LRRC4C: variants seen among roughly 807,000 people sequenced by gnomAD.
LRRC4C encodes leucine rich repeat containing 4C, also known as leucine-rich repeat-containing protein 4C.
In LRRC4C, 5 loss-of-function variants were observed where a neutral mutation model predicts 33.6. The observed-to-expected ratio is 0.15, with a 90% CI of 0.08 to 0.31. The LOEUF is 0.31. Among genes scored for constraint, LRRC4C ranks in the 10% least tolerant of loss-of-function variants. LRRC4C has a pLI of 1.00. For synonymous variants in LRRC4C, 329 were observed against 302.0 expected, an observed-to-expected ratio of 1.09 and a Z score of -0.93; for missense variants, 560 against 796.7, an observed-to-expected ratio of 0.70 and a Z score of 3.58.
chr11:40,845,977 CT>C (rs1446156392), intron 2 of LRRC4C, among the ~76,000 whole-genome samples: 2 of 147,728 alleles, frequency 1.4e-5, no homozygotes, highest in Admixed American at 1.3e-4. Context: ...TAAATGTCTT[CT>C]TTTGAGAAAC....
At chr11:40,337,852 C>T (rs907034454) in intron 3 of LRRC4C, among the ~76,000 whole-genome samples, 3 of 152,074 alleles carry the variant, frequency 2.0e-5, no homozygotes, top group East Asian at 1.9e-4. Flanking sequence ...CCCTCTGATA[C>T]GCCCCAGTGT....
intron 1 of LRRC4C, among the ~76,000 whole-genome samples, chr11:41,244,354 G>A (rs1409087239): frequency 6.6e-6 from 1 of 152,156 alleles, no homozygotes; most frequent in Non-Finnish European, 1.5e-5. Context: ...TATATTTTAT[G>A]TAAGAATTAA....
At chr11:41,451,579 T>C (rs970297048) in intron 1 of LRRC4C, among the ~76,000 whole-genome samples, 14 of 152,058 alleles carry the variant, frequency 9.2e-5, no homozygotes, top group African/African-American at 3.4e-4. Flanking sequence ...CAGTGAGGCA[T>C]GACAGGTCAA....
At chr11:40,594,272 G>GT (rs948025015) in intron 3 of LRRC4C, among the ~76,000 whole-genome samples, 8 of 152,216 alleles carry the variant, frequency 5.3e-5, no homozygotes, top group Admixed American at 6.5e-5. Context: ...ATTATGCTGG[G>GT]TTTTTTATGT....
At position 41,215,243 on chromosome 11, in the gene LRRC4C, G is replaced by A. The variant is rs545652497; in HGVS notation, c.-496+244188C>T. Among the ~76,000 whole-genome samples the A allele has an allele frequency of 1.5e-4, 22 of 151,354 alleles. No individual in the cohort carries two copies. In the South Asian group the frequency reaches 1.5e-3, roughly 10 times the overall value. ...TGGCTCACGTCTGTAACCCCAGCAC[G>A]TTGGGAGGCCAAGGTGGGTGGATCA... On this transcript the variant is annotated intron_variant, in intron 1 of 6. Coordinates refer to ENST00000528697, the MANE Select transcript of LRRC4C (RefSeq NM_001258419.2).
intron 1 of LRRC4C, among the ~76,000 whole-genome samples, chr11:41,315,663 C>CCCTT (rs1565574725): frequency 6.6e-6 from 1 of 151,472 alleles, no homozygotes; most frequent in Non-Finnish European, 1.5e-5. Flanking sequence ...CCTTAAGCTG[C>CCCTT]CCTTGCATTC....
chr11:41,204,577 T>C (rs1031636461), intron 1 of LRRC4C, among the ~76,000 whole-genome samples: 11 of 152,214 alleles, frequency 7.2e-5, no homozygotes, highest in Admixed American at 7.2e-4. Context: ...TCTATATTTC[T>C]TCTGAAGAAG....
At chr11:40,382,719 A>G (rs1369788932) in intron 3 of LRRC4C, among the ~76,000 whole-genome samples, 1 of 110,140 alleles carries the variant, frequency 9.1e-6, no homozygotes, top group African/African-American at 3.7e-5. Context: ...TTTGAGACAG[A>G]GTCTCGCTCT....
chr11:41,246,201 G>T (rs1018525060), intron 1 of LRRC4C, among the ~76,000 whole-genome samples: 3 of 152,092 alleles, frequency 2.0e-5, no homozygotes, highest in African/African-American at 4.8e-5. Flanking sequence ...TTGCCAAGCC[G>T]CCCTTATCCC....
chr11:41,228,192 T>C (rs1321094465), intron 1 of LRRC4C, among the ~76,000 whole-genome samples: 1 of 152,158 alleles, frequency 6.6e-6, no homozygotes, highest in African/African-American at 2.4e-5. Flanking sequence ...GGTTTCTTTA[T>C]CATCTCACCC....
intron 5 of LRRC4C, among the ~76,000 whole-genome samples, chr11:40,192,253 T>C (rs1861903323): frequency 6.6e-6 from 1 of 151,914 alleles, no homozygotes; most frequent in African/African-American, 2.4e-5. Flanking sequence ...ATTTCTGCTT[T>C]TCCAGTGAGG....
chr11:40,696,268 T>C (rs1179398670), intron 2 of LRRC4C, among the ~76,000 whole-genome samples: 1 of 103,226 alleles, frequency 9.7e-6, no homozygotes, highest in Admixed American at 8.3e-5. Flanking sequence ...TTATCTTCCC[T>C]ACCACAATGC....
At chr11:40,791,481 C>A (rs1950619524) in intron 2 of LRRC4C, among the ~76,000 whole-genome samples, 1 of 152,102 alleles carries the variant, frequency 6.6e-6, no homozygotes, top group Non-Finnish European at 1.5e-5. Flanking sequence ...TCATCCACTC[C>A]AGGTGAAACT....
chr11:40,924,066 ATATATATGTGTGTG>A (rs975536111), intron 2 of LRRC4C, among the ~76,000 whole-genome samples: 4 of 151,204 alleles, frequency 2.6e-5, no homozygotes, highest in Admixed American at 6.7e-5. Flanking sequence ...ATATATATAC[ATATATATGTGTGTG>A]TATATATGTG....
Position 41,123,261 on chromosome 11 carries a change from G to GTT in LRRC4C, c.-495-189540_-495-189539dup, listed in dbSNP as rs1217714729. Among the ~76,000 whole-genome samples, 241 of 48,080 alleles carry GTT rather than the reference G, an allele frequency of 5.0e-3. 22 individuals carry two copies. The highest frequency in any genetic ancestry group is 0.013 in the African/African-American group (227 of 17,308). 31.5% of individuals were successfully genotyped at this position (48,080 alleles called of 152,430 possible). ...CTTTCTCTATCCTGAGCTATGTTTTGTTTTTTTTTTTTTTTTTTTTTTTTT... is the reference window on the plus strand; with the variant it reads ...CTTTCTCTATCCTGAGCTATGTTTTGTTTTTTTTTTTTTTTTTTTTTTTTTTT... On this transcript the variant is annotated intron_variant, in intron 1 of 6. Coordinates refer to ENST00000528697, the MANE Select transcript of LRRC4C (RefSeq NM_001258419.2).
At chr11:40,999,289 C>T (rs1049144073) in intron 1 of LRRC4C, among the ~76,000 whole-genome samples, 1 of 152,084 alleles carries the variant, frequency 6.6e-6, no homozygotes, top group South Asian at 2.1e-4. Context: ...ATTTCTAACT[C>T]CTAAGCATGG....
In LRRC4C at chr11:40,579,675, T is replaced by A. The variant is rs575963403; in HGVS notation, c.-270+68467A>T. Among the ~76,000 whole-genome samples the A allele has an allele frequency of 2.6e-4, 39 of 152,262 alleles. 1 individual carries two copies. In the Middle Eastern group the frequency reaches 0.01, roughly 40 times the overall value. On this transcript the variant is annotated intron_variant, in intron 3 of 6. Coordinates refer to ENST00000528697, the MANE Select transcript of LRRC4C (RefSeq NM_001258419.2). ...TCAGCCCGTCTATAACTCTTACGTG[T>A]TTGTACAAGCTGGCTCTCCAAGCCA...
intron 3 of LRRC4C, among the ~76,000 whole-genome samples, chr11:40,356,573 G>T (rs1947681795): frequency 6.6e-6 from 1 of 152,070 alleles, no homozygotes; most frequent in Non-Finnish European, 1.5e-5. Flanking sequence ...GGTCTTGCCT[G>T]GGTCATTAGG....
chr11:40,547,004 T>G (rs1226400611), intron 3 of LRRC4C, among the ~76,000 whole-genome samples: 1 of 152,148 alleles, frequency 6.6e-6, no homozygotes, highest in Admixed American at 6.6e-5. Context: ...TAGATAGTAT[T>G]GAAATAATAG....
Sources: gnomAD v4.1 joint callset for allele counts (sites outside exome capture counted in the v4.1 genomes callset) on GRCh38, gnomAD v4.1.1 for gene constraint, MANE v1.5 for transcripts, NCBI Gene and HGNC (gene_info 2026-07-23, HGNC 2026-07-21) for gene names.